The following SEC23A variants were observed in gnomAD, a reference collection of about 807,000 sequenced individuals.
SEC23A encodes the protein SEC23 homolog A, COPII component, also known as protein transport protein Sec23A.
In SEC23A, 56 loss-of-function variants were observed where a neutral mutation model predicts 103.7. The observed-to-expected ratio is 0.54, with a 90% CI of 0.44 to 0.67. The LOEUF is 0.67. Ranked by LOEUF, SEC23A falls within the 30% of genes least tolerant of loss-of-function variation. SEC23A has a pLI of 0.00. For synonymous variants in SEC23A, 281 were observed against 293.0 expected (o/e 0.96, Z 0.42); for missense variants, 784 against 936.4 (o/e 0.84, Z 2.12).
At chr14:39,048,425 G>T (rs1303356331) in intron 15 of SEC23A, among the ~76,000 whole-genome samples, 1 of 151,050 alleles carries the variant, frequency 6.6e-6, no homozygotes, top group African/African-American at 2.4e-5. Flanking sequence ...ACCAGCCTGG[G>T]CAACATAGCA....
In SEC23A at chr14:39,045,319, C is replaced by T. The variant is rs558653332; in HGVS notation, c.1743G>A (p.Met581Ile). ...SETFSLYPQF[M>I]FHLRRSSFLQ... ...GGAAAGAAGATCTTCTTAAATGAAACATAAACTGTAAGATAAACACGTAAG... is the reference window on the plus strand; with the variant it reads ...GGAAAGAAGATCTTCTTAAATGAAATATAAACTGTAAGATAAACACGTAAG... The change falls in exon 16 of 20, where the codon ATG becomes ATA. Residue 581 changes from methionine (M) to isoleucine (I), a missense_variant. Transcript: ENST00000307712. 1 of 1,605,128 alleles carries T rather than the reference C, an allele frequency of 6.2e-7. No homozygotes were observed. The highest frequency in any genetic ancestry group is 1.1e-5 in the South Asian group (1 of 90,864).
rs749284961 is a variant in SEC23A at position 39,092,642 on chromosome 14, C to G, written c.280-15G>C. 1 of 1,526,790 alleles carries G rather than the reference C, an allele frequency of 6.5e-7. No homozygotes were observed. Among genetic ancestry groups the G allele is most frequent in the Non-Finnish European group, 9.0e-7 (1 of 1,105,386 alleles). 94.6% of individuals were successfully genotyped at this position (1,526,790 alleles called of 1,614,324 possible). On this transcript the variant is annotated splice_polypyrimidine_tract_variant and intron_variant, in intron 3 of 19. Coordinates refer to ENST00000307712, the MANE Select transcript of SEC23A (RefSeq NM_006364.4). ...CTAGGTGGAAACTACAAATAGAAAA[C>G]AAACAAAAATTTTTAACAAATTATA...
intron 13 of SEC23A, 59 bp downstream of exon 13, chr14:39,061,706 G>T: frequency 8.5e-7 from 1 of 1,175,240 alleles, no homozygotes; most frequent in Non-Finnish European, 1.3e-6. Context: ...AATCCAGTTT[G>T]GAAACACAAC....
intron 7 of SEC23A, among the ~76,000 whole-genome samples, chr14:39,084,259 C>A (rs886222431): frequency 2.0e-5 from 3 of 151,998 alleles, no homozygotes; most frequent in African/African-American, 7.3e-5. Context: ...ATCTCCTGAC[C>A]TCGTGATCCA....
intron 1 of SEC23A, among the ~76,000 whole-genome samples, chr14:39,102,500 T>G (rs1405522562): frequency 6.6e-6 from 1 of 152,204 alleles, no homozygotes; most frequent in African/African-American, 2.4e-5. Flanking sequence ...AAACACTACC[T>G]ACCGTAGAAA....
At chr14:39,079,843 A>C (rs534049806) in intron 7 of SEC23A, among the ~76,000 whole-genome samples, 27 of 152,126 alleles carry the variant, frequency 1.8e-4, no homozygotes, top group South Asian at 2.1e-4. Context: ...AAATAAAATA[A>C]AATAAAATAA....
At position 39,094,316 on chromosome 14, in the gene SEC23A, ATG is replaced by A. The variant is rs1177557362; in HGVS notation, c.222-1074_222-1073del. On this transcript the variant is annotated intron_variant, in intron 2 of 19. Coordinates refer to ENST00000307712, the MANE Select transcript of SEC23A (RefSeq NM_006364.4). ...TGCATATATACACATATACATATAT[ATG>A]CATATATACACATATACACATATAT... Among the ~76,000 whole-genome samples the A allele has an allele frequency of 2.0e-3, 176 of 89,148 alleles. 7 individuals carry two copies. The highest frequency in any genetic ancestry group is 9.9e-3 in the Middle Eastern group (2 of 202). 58.5% of individuals were successfully genotyped at this position (89,148 alleles called of 152,430 possible).
chr14:39,051,724 A>G (rs1886065415), intron 14 of SEC23A, among the ~76,000 whole-genome samples: 1 of 152,106 alleles, frequency 6.6e-6, no homozygotes, highest in Non-Finnish European at 1.5e-5. Flanking sequence ...AGTACTCGGG[A>G]GGCCAAGGCA....
intron 2 of SEC23A, among the ~76,000 whole-genome samples, chr14:39,094,734 G>GA (rs1381677036): frequency 6.6e-6 from 1 of 152,124 alleles, no homozygotes; most frequent in Non-Finnish European, 1.5e-5. Flanking sequence ...AATCCGGGCA[G>GA]AATGCACAGC....
At chr14:39,064,408 T>C (rs138567886) in intron 11 of SEC23A, 2 of 154,614 alleles carry the variant, frequency 1.3e-5, no homozygotes, top group Non-Finnish European at 2.9e-5. Flanking sequence ...TTTTGAAAAT[T>C]CTGGTATCAA....
chr14:39,046,711 C>G (rs915764291), intron 15 of SEC23A, among the ~76,000 whole-genome samples: 10 of 152,220 alleles, frequency 6.6e-5, no homozygotes, highest in Non-Finnish European at 1.5e-4. Flanking sequence ...TCTCCTTTCA[C>G]TTTCCTTCCC....
At chr14:39,035,477 A>G (rs1885427536) in intron 19 of SEC23A, among the ~76,000 whole-genome samples, 1 of 152,192 alleles carries the variant, frequency 6.6e-6, no homozygotes, top group Admixed American at 6.5e-5. Context: ...GTCCATTTCA[A>G]GCATGTTTTA....
At position 39,102,624 on chromosome 14, in the gene SEC23A, G is replaced by A. The variant is rs142681449; in HGVS notation, c.-22+408C>T. Among the ~76,000 whole-genome samples the A allele has an allele frequency of 1.9e-3, 293 of 152,314 alleles. 2 individuals carry two copies. Among genetic ancestry groups the A allele is most frequent in the African/African-American group, 6.6e-3 (276 of 41,574 alleles). Reference sequence around the variant, plus strand: ...CCCCTTTAACCCCTTTAACTTCCAAGGCTGAATTACGGTGACGTAGTCAAT... The same window carrying A: ...CCCCTTTAACCCCTTTAACTTCCAAAGCTGAATTACGGTGACGTAGTCAAT... On this transcript the variant is annotated intron_variant, in intron 1 of 19. Transcript: ENST00000307712.
intron 13 of SEC23A, among the ~76,000 whole-genome samples, chr14:39,059,720 T>C (rs1161269443): frequency 6.6e-6 from 1 of 152,198 alleles, no homozygotes; most frequent in Non-Finnish European, 1.5e-5. Context: ...CTGCCTGAAA[T>C]ACTTCAGTGT....
At chr14:39,039,435 G>T in intron 18 of SEC23A, 1 of 242,238 alleles carries the variant, frequency 4.1e-6, no homozygotes, top group Non-Finnish European at 7.8e-6. Flanking sequence ...CCCAAATAAT[G>T]ATAAAAACAA....
intron 9 of SEC23A, among the ~76,000 whole-genome samples, chr14:39,071,884 C>T (rs966341914): frequency 1.3e-5 from 2 of 151,728 alleles, no homozygotes; most frequent in Admixed American, 6.6e-5. Flanking sequence ...AAAGAAAAAG[C>T]ATGAAATAGG....
chr14:39,047,246 G>C, intron 15 of SEC23A: 1 of 345,852 alleles, frequency 2.9e-6, no homozygotes, highest in Non-Finnish European at 5.3e-6. Flanking sequence ...CAACAAGAAG[G>C]CTTGAGGCAG....
intron 6 of SEC23A, among the ~76,000 whole-genome samples, chr14:39,086,179 G>A (rs1417617947): frequency 6.6e-6 from 1 of 152,122 alleles, no homozygotes; most frequent in Non-Finnish European, 1.5e-5. Flanking sequence ...GATGATAACA[G>A]CCCCAGAAAC....
chr14:39,077,314 C>T (rs553435186), intron 7 of SEC23A, among the ~76,000 whole-genome samples: 4 of 148,242 alleles, frequency 2.7e-5, no homozygotes, highest in South Asian at 2.1e-4. Flanking sequence ...GAGGCCGAAG[C>T]GGGTGGATCA....
Sources: allele counts gnomAD v4.1 joint callset (sites outside exome capture counted in the v4.1 genomes callset), GRCh38; gene constraint gnomAD v4.1.1; transcripts MANE v1.5; gene names NCBI Gene and HGNC (gene_info 2026-07-23, HGNC 2026-07-21).